The following UTP4 variants were observed in gnomAD, a reference collection of about 807,000 sequenced individuals.
UTP4 encodes the protein UTP4 small subunit processome component.
Under a neutral mutation model 82.4 loss-of-function variants are expected in UTP4, and 45 were observed. The ratio of observed to expected loss-of-function variants is 0.55; its 90% CI spans 0.43 to 0.70. The LOEUF is 0.70. Among genes scored for constraint, UTP4 ranks in the 30% least tolerant of loss-of-function variants. The pLI, the probability that UTP4 is intolerant of heterozygous loss-of-function variation, is 0.00. For synonymous variants in UTP4, 348 were observed against 300.3 expected (o/e 1.16, Z -1.64); for missense variants, 819 against 858.3 (o/e 0.95, Z 0.57).
At chr16:69,159,632 G>C (rs1963512449) in intron 12 of UTP4, among the ~76,000 whole-genome samples, 1 of 152,012 alleles carries the variant, frequency 6.6e-6, no homozygotes, top group Admixed American at 6.6e-5. Flanking sequence ...AGGTTGCAGT[G>C]AGCCGAGATT....
intron 6 of UTP4, among the ~76,000 whole-genome samples, chr16:69,149,213 C>T (rs1447988408): frequency 6.6e-6 from 1 of 152,078 alleles, no homozygotes; most frequent in Non-Finnish European, 1.5e-5. Flanking sequence ...AACCCCATCT[C>T]TACTAATAAT....
At chr16:69,160,600 T>G (rs1350999430) in intron 13 of UTP4, 138 bp downstream of exon 13, 6 of 342,788 alleles carry the variant, frequency 1.8e-5, no homozygotes, top group Non-Finnish European at 2.6e-5. Context: ...TTTCTTTTCT[T>G]TTTTTTTTTT....
intron 14 of UTP4, among the ~76,000 whole-genome samples, chr16:69,163,888 T>G (rs1032817527): frequency 7.1e-5 from 10 of 139,988 alleles, no homozygotes; most frequent in South Asian, 2.3e-4. Flanking sequence ...CAGTTTGTTT[T>G]TTTTTTTTTT....
chr16:69,156,027 G>A (rs1343385721), intron 11 of UTP4, 34 bp downstream of exon 11: 1 of 1,608,952 alleles, frequency 6.2e-7, no homozygotes, highest in East Asian at 2.2e-5. Context: ...TCACATAAGA[G>A]GAAACTTCCT....
chr16:69,155,462 G>A (rs753530455), intron 10 of UTP4, among the ~76,000 whole-genome samples: 3 of 152,144 alleles, frequency 2.0e-5, no homozygotes, highest in Non-Finnish European at 2.9e-5. Flanking sequence ...ACTGTACCTG[G>A]CCTTCAAATG....
chr16:69,156,138 T>TTTTC, intron 11 of UTP4, 145 bp downstream of exon 11: 1 of 803,998 alleles, frequency 1.2e-6, no homozygotes, highest in Non-Finnish European at 2.0e-6. Flanking sequence ...TGAAACAGTG[T>TTTTC]TTTATTTCTT....
At position 69,167,122 on chromosome 16, in the gene UTP4, G is replaced by A. The variant is rs147861095; in HGVS notation, c.1881G>A (p.Thr627=). The A allele has an allele frequency of 2.5e-5, 41 of 1,613,804 alleles. No individual in the cohort carries two copies. The East Asian group carries it at 6.7e-4, about 26-fold the overall frequency. ...KTLLYNPFPP[T]NESDVIRRRT... Reference sequence around the variant, plus strand: ...TACTCTACAATCCATTTCCTCCCACGAATGAATCAGATGTCATCCGGAGGC... The same window carrying A: ...TACTCTACAATCCATTTCCTCCCACAAATGAATCAGATGTCATCCGGAGGC... Residue 627 remains threonine (T), a synonymous_variant, in exon 16 of 17, where the codon ACG becomes ACA. Transcript: ENST00000314423.
chr16:69,143,114 G>C, intron 5 of UTP4, 64 bp from the exon 6 acceptor site: 1 of 1,553,212 alleles, frequency 6.4e-7, no homozygotes. Flanking sequence ...CACTTTGGCC[G>C]CAGGCAGATT....
chr16:69,164,596 ATATATATATATATATATATG>A (rs1176885403), intron 14 of UTP4, among the ~76,000 whole-genome samples: 1 of 130,082 alleles, frequency 7.7e-6, no homozygotes, highest in Non-Finnish European at 1.7e-5. Flanking sequence ...TTATATATAT[ATATATATATATATATATATG>A]TATATATATA....
Position 69,150,607 on chromosome 16 carries a change from C to T in UTP4, c.809C>T (p.Ser270Phe). ...CATTTTCAGCTGGTCCCTGTGACATCTAACAGCAGTGAGAAGCAGTGGGTG... is the reference window on the plus strand; with the variant it reads ...CATTTTCAGCTGGTCCCTGTGACATTTAACAGCAGTGAGAAGCAGTGGGTG... ...VFHFQLVPVT[S>F]NSSEKQWVRT... The change falls in exon 7 of 17, where the codon TCT becomes TTT. Residue 270 changes from serine (S) to phenylalanine (F), a missense_variant. Physicochemically the swap from Ser to Phe is radical, Grantham distance 155. Coordinates refer to ENST00000314423, the MANE Select transcript of UTP4 (RefSeq NM_032830.3). 1 of 1,614,244 alleles carries T rather than the reference C, an allele frequency of 6.2e-7. No individual in the cohort carries two copies. Among genetic ancestry groups the T allele is most frequent in the East Asian group, 2.2e-5 (1 of 44,886 alleles).
chr16:69,145,312 G>A (rs527861323), intron 6 of UTP4, among the ~76,000 whole-genome samples: 3 of 152,160 alleles, frequency 2.0e-5, no homozygotes, highest in South Asian at 4.2e-4. Flanking sequence ...CCAGGCTGGA[G>A]TGCAGTGGTG....
chr16:69,137,736 G>T, intron 3 of UTP4, 65 bp from the exon 4 acceptor site: 4 of 848,016 alleles, frequency 4.7e-6, no homozygotes, highest in Non-Finnish European at 8.3e-6. Context: ...GGGTGTGTGT[G>T]TGTGTTTAGT....
At chr16:69,166,688 G>C in intron 15 of UTP4, 1 of 240,872 alleles carries the variant, frequency 4.2e-6, no homozygotes, top group Non-Finnish European at 8.1e-6. Flanking sequence ...CCCTGTGTGG[G>C]CTGAGCTCCT....
chr16:69,145,908 A>C (rs1187641827), intron 6 of UTP4, among the ~76,000 whole-genome samples: 2 of 152,082 alleles, frequency 1.3e-5, no homozygotes, highest in East Asian at 3.8e-4. Flanking sequence ...TTACTAAATG[A>C]TGATTAGGCA....
At chr16:69,133,980 A>G (rs991290280) in intron 2 of UTP4, among the ~76,000 whole-genome samples, 8 of 152,196 alleles carry the variant, frequency 5.3e-5, no homozygotes, top group Admixed American at 3.3e-4. Context: ...TTCATTGTCA[A>G]TTCAGAAAAA....
intron 12 of UTP4, 37 bp from the exon 13 acceptor site, chr16:69,160,317 CTG>C (rs751151812): frequency 2.4e-5 from 37 of 1,516,302 alleles, no homozygotes; most frequent in East Asian, 6.7e-5. Flanking sequence ...GCTGTGGACA[CTG>C]TGTGAATTCA....
chr16:69,168,433 CAAAAAAAAAAAAAA>C (rs34234554), intron 16 of UTP4, among the ~76,000 whole-genome samples: 1 of 51,604 alleles, frequency 1.9e-5, no homozygotes, highest in Non-Finnish European at 3.8e-5. Flanking sequence ...GAGACTGTCT[CAAAAAAAAAAAAAA>C]AAAAAAAAAA....
At chr16:69,136,251 G>C (rs990243802) in intron 2 of UTP4, among the ~76,000 whole-genome samples, 1 of 152,196 alleles carries the variant, frequency 6.6e-6, no homozygotes, top group Admixed American at 6.5e-5. Flanking sequence ...CTTTTGGGTT[G>C]GGTGCAGTGG....
At chr16:69,164,147 G>A (rs1963638725) in intron 14 of UTP4, among the ~76,000 whole-genome samples, 1 of 152,068 alleles carries the variant, frequency 6.6e-6, no homozygotes, top group Non-Finnish European at 1.5e-5. Context: ...GCCTCCCAAA[G>A]TGCTGGGATT....
Sources: gnomAD v4.1 joint callset for allele counts (sites outside exome capture counted in the v4.1 genomes callset) on GRCh38, gnomAD v4.1.1 for gene constraint, MANE v1.5 for transcripts, NCBI Gene and HGNC (gene_info 2026-07-23, HGNC 2026-07-21) for gene names.